FAM120A: variants seen among roughly 807,000 people sequenced by gnomAD.
FAM120A encodes the protein constitutive coactivator of PPAR-gamma-like protein 1.
A neutral mutation model predicts 109.7 loss-of-function variants in FAM120A; 15 were observed. That is an observed-to-expected ratio of 0.14 (90% CI 0.09 to 0.21). FAM120A has a LOEUF of 0.21. Among genes scored for constraint, FAM120A ranks in the 10% least tolerant of loss-of-function variants. The probability of loss-of-function intolerance (pLI) is 1.00; values close to 1 mark genes in which losing one functional copy is unlikely to be tolerated. For synonymous variants in FAM120A, 493 were observed against 572.8 expected (o/e 0.86, Z 1.99); for missense variants, 899 against 1,439.3 (o/e 0.62, Z 6.07).
chr9:93,527,614 A>ATTTTTTTT lies in FAM120A; in HGVS notation c.1506+391_1506+398dup, dbSNP rs67894788. ...CTTTTTAAAAAAATTTTTGTATTTA[A>ATTTTTTTT]TTTTTTTTTTTTTTTTTTTTTTTTT... On this transcript the variant is annotated intron_variant, in intron 8 of 17. Transcript: ENST00000277165. Among the ~76,000 whole-genome samples, 37 of 80,698 alleles carry ATTTTTTTT rather than the reference A, an allele frequency of 4.6e-4. 1 individual carries two copies. Among genetic ancestry groups the ATTTTTTTT allele is most frequent in the East Asian group, 2.2e-3 (5 of 2,256 alleles). 52.9% of individuals were successfully genotyped at this position (80,698 alleles called of 152,430 possible). A position where few individuals can be genotyped will look rare whatever the true frequency, so the allele number is the denominator to read the frequency against.
intron 7 of FAM120A, among the ~76,000 whole-genome samples, chr9:93,517,401 G>A (rs956445706): frequency 2.0e-5 from 3 of 152,162 alleles, no homozygotes; most frequent in African/African-American, 7.2e-5. Flanking sequence ...CATTGAATCA[G>A]AATCTCTGGT....
Position 93,452,609 on chromosome 9 carries a change from G to T in FAM120A, c.474+220G>T. On this transcript the variant is annotated intron_variant, in intron 1 of 17. Transcript: ENST00000277165. This position sits in a 1 kb window ranked among gnomAD's most constrained non-coding sequence, Gnocchi z 7.0. The stretch of plus-strand genomic sequence containing the variant: ...CCGTCTCCAGCTGTCCCTGTTCGGG[G>T]TCCGCGGCCGCGTGGGGACACTTGA... 2 of 1,599,080 alleles carry T rather than the reference G, an allele frequency of 1.3e-6. No individual in the cohort carries two copies. The highest frequency in any genetic ancestry group is 4.5e-5 in the East Asian group (2 of 44,858).
rs1191825564 is a variant in FAM120A at position 93,461,819 on chromosome 9, G to GGATTTTT, written c.475-9312_475-9306dup. 2.0e-5 allele frequency among the ~76,000 whole-genome samples: 3 copies of GGATTTTT among 152,058 alleles called. 1 individual carries two copies. The highest frequency in any genetic ancestry group is 1.5e-5 in the Non-Finnish European group (1 of 68,002). ...AAGGAAATGCTCACTGGAGCATTTTGGATTTTTGATTTTTGAATTTAGAAT... is the reference window on the plus strand; with the variant it reads ...AAGGAAATGCTCACTGGAGCATTTTGGATTTTTGATTTTTGATTTTTGAATTTAGAAT... On this transcript the variant is annotated intron_variant, in intron 1 of 17. Transcript: ENST00000277165.
At chr9:93,545,877 C>T (rs779505126) in intron 11 of FAM120A, among the ~76,000 whole-genome samples, 8 of 145,462 alleles carry the variant, frequency 5.5e-5, no homozygotes, top group African/African-American at 7.7e-5. Flanking sequence ...CCTCTGCCTC[C>T]TGGGTTCAAG....
intron 1 of FAM120A, among the ~76,000 whole-genome samples, chr9:93,468,242 T>C (rs1483873363): frequency 6.6e-6 from 1 of 152,194 alleles, no homozygotes; most frequent in African/African-American, 2.4e-5. Flanking sequence ...AGACTGTATC[T>C]TACTAGTTTT....
chr9:93,502,629 T>C (rs952288), intron 5 of FAM120A, among the ~76,000 whole-genome samples: 79,457 of 151,332 alleles, frequency 0.53, 21,154 homozygotes, highest in East Asian at 0.61. Context: ...TCCCAGAAAT[T>C]GTGTATTTTG....
intron 9 of FAM120A, 105 bp downstream of exon 9, chr9:93,529,685 T>C (rs750387240): frequency 1.0e-6 from 1 of 962,032 alleles, no homozygotes; most frequent in East Asian, 2.6e-5. Flanking sequence ...TCTGTCTTAC[T>C]AATCTACTTG....
intron 16 of FAM120A, 150 bp downstream of exon 16, chr9:93,561,400 T>G: frequency 1.3e-6 from 1 of 753,630 alleles, no homozygotes; most frequent in Non-Finnish European, 2.0e-6. Flanking sequence ...TAGTTTTTAT[T>G]TATTTATTTA....
chr9:93,468,446 A>G (rs1380257631), intron 1 of FAM120A, among the ~76,000 whole-genome samples: 1 of 152,232 alleles, frequency 6.6e-6, no homozygotes, highest in Non-Finnish European at 1.5e-5. Context: ...AAAGTGCTGT[A>G]GCAGAGAGGT....
chr9:93,487,756 T>C (rs1273422108), intron 3 of FAM120A, among the ~76,000 whole-genome samples: 1 of 152,164 alleles, frequency 6.6e-6, no homozygotes, highest in Non-Finnish European at 1.5e-5. Flanking sequence ...GTAGTTACAG[T>C]ATTGGAGGCA....
intron 15 of FAM120A, among the ~76,000 whole-genome samples, chr9:93,559,377 A>G (rs1037491713): frequency 5.3e-5 from 8 of 152,254 alleles, no homozygotes; most frequent in Non-Finnish European, 1.0e-4. Context: ...ATCAAGTCAC[A>G]TAACAGGATT....
intron 5 of FAM120A, among the ~76,000 whole-genome samples, chr9:93,502,407 A>G (rs1292198571): frequency 6.6e-6 from 1 of 152,178 alleles, no homozygotes; most frequent in Admixed American, 6.5e-5. Flanking sequence ...TTAAAAAGGA[A>G]TGTTCCTAGC....
At chr9:93,454,456 G>C (rs893407932) in intron 1 of FAM120A, among the ~76,000 whole-genome samples, 7 of 152,150 alleles carry the variant, frequency 4.6e-5, no homozygotes, top group African/African-American at 1.7e-4. Context: ...TTTCCTCACT[G>C]AAGAATCCTT....
intron 3 of FAM120A, among the ~76,000 whole-genome samples, chr9:93,485,015 A>G (rs1032811467): frequency 2.5e-4 from 38 of 152,318 alleles, no homozygotes; most frequent in African/African-American, 9.1e-4. Flanking sequence ...GTTTCTAACC[A>G]GGCTTTCTCC....
chr9:93,484,020 T>C (rs959490913), intron 3 of FAM120A, among the ~76,000 whole-genome samples: 11 of 152,054 alleles, frequency 7.2e-5, no homozygotes, highest in African/African-American at 2.7e-4. Context: ...GGCTCAAGAA[T>C]AGTTTTTCTG....
At chr9:93,494,126 G>A (rs1341637522) in intron 3 of FAM120A, among the ~76,000 whole-genome samples, 2 of 152,214 alleles carry the variant, frequency 1.3e-5, no homozygotes, top group African/African-American at 4.8e-5. Flanking sequence ...TTCAGGCAGA[G>A]CAGGAAGCTT....
chr9:93,560,548 A>AT (rs1057206595), intron 15 of FAM120A, among the ~76,000 whole-genome samples: 6 of 152,066 alleles, frequency 3.9e-5, no homozygotes, highest in African/African-American at 1.2e-4. Context: ...TTGTTTGCTT[A>AT]TTTTTTTGTT....
intron 7 of FAM120A, 67 bp downstream of exon 7, chr9:93,516,336 C>T: frequency 6.3e-7 from 1 of 1,586,954 alleles, no homozygotes; most frequent in Non-Finnish European, 8.6e-7. Context: ...GCCTTCTGGC[C>T]TGCCAGCCCA....
At chr9:93,520,569 C>T (rs1434002481) in intron 7 of FAM120A, among the ~76,000 whole-genome samples, 3 of 152,242 alleles carry the variant, frequency 2.0e-5, no homozygotes, top group African/African-American at 4.8e-5. Flanking sequence ...TCCTGGCTGT[C>T]GCCACTGAGC....
Sources: gnomAD v4.1 joint callset for allele counts (sites outside exome capture counted in the v4.1 genomes callset) on GRCh38, gnomAD v4.1.1 for gene constraint, Gnocchi (gnomAD v3.1) non-coding constraint, MANE v1.5 for transcripts, NCBI Gene and HGNC (gene_info 2026-07-23, HGNC 2026-07-21) for gene names.